NSUN6: variants seen among roughly 807,000 people sequenced by gnomAD.
NSUN6 encodes NOP2/Sun RNA methyltransferase 6, also known as tRNA (cytosine(72)-C(5))-methyltransferase NSUN6.
In NSUN6, 64 loss-of-function variants were observed where a neutral mutation model predicts 58.0. The ratio of observed to expected loss-of-function variants is 1.10; its 90% confidence interval spans 0.90 to 1.36. The LOEUF (loss-of-function observed/expected upper bound fraction) is 1.36, where lower values mean the gene tolerates loss of function less well. Among genes scored for constraint, NSUN6 ranks in the 40% most tolerant of loss-of-function variants. NSUN6 has a pLI of 0.00. For missense variants in NSUN6, 701 were observed against 550.1 expected, an observed-to-expected ratio of 1.27 and a Z score of -2.74; for synonymous variants, 231 against 193.9, an observed-to-expected ratio of 1.19 and a Z score of -1.59.
intron 8 of NSUN6, among the ~76,000 whole-genome samples, chr10:18,559,482 AGAATG>A (rs558249352): frequency 2.6e-4 from 39 of 149,980 alleles, no homozygotes; most frequent in East Asian, 3.9e-4. Context: ...AATCGAATGG[AGAATG>A]GAATGGAATG....
chr10:18,612,122 T>C (rs1239725852), intron 5 of NSUN6, among the ~76,000 whole-genome samples: 1 of 152,058 alleles, frequency 6.6e-6, no homozygotes, highest in Non-Finnish European at 1.5e-5. Flanking sequence ...CTGACTCACA[T>C]TTGAAAGCCA....
intron 8 of NSUN6, among the ~76,000 whole-genome samples, chr10:18,566,158 C>CATTCT (rs1554853949): frequency 5.5e-5 from 8 of 146,738 alleles, no homozygotes; most frequent in African/African-American, 1.7e-4. Context: ...TTCTCCATTC[C>CATTCT]ATTCCATTCT....
intron 3 of NSUN6, among the ~76,000 whole-genome samples, chr10:18,624,262 G>A (rs568244188): frequency 6.6e-6 from 1 of 151,998 alleles, no homozygotes; most frequent in East Asian, 2.0e-4. Flanking sequence ...TGACTAGATA[G>A]TATTTTCAAT....
At chr10:18,624,059 T>C (rs771462755) in intron 3 of NSUN6, among the ~76,000 whole-genome samples, 6 of 152,006 alleles carry the variant, frequency 3.9e-5, no homozygotes, top group Admixed American at 1.3e-4. Context: ...AAGCAGAAGG[T>C]AGATTTTAAA....
In NSUN6 at chr10:18,547,406, T is replaced by A. The variant is rs181658128; in HGVS notation, c.1197+706A>T. On this transcript the variant is annotated intron_variant, in intron 10 of 10. Coordinates refer to ENST00000377304, the MANE Select transcript of NSUN6 (RefSeq NM_182543.5). ...ATGTAATTATCTTAATTTACGAGAC[T>A]AGAAACCATCTCTGAATTGTCTTTA... 7.7e-4 allele frequency among the ~76,000 whole-genome samples: 117 copies of A among 152,332 alleles called. 1 individual carries two copies. The highest frequency in any genetic ancestry group is 2.8e-3 in the African/African-American group (116 of 41,586).
At position 18,555,767 on chromosome 10, in the gene NSUN6, A is replaced by T. The variant is rs114017942; in HGVS notation, c.923-3796T>A. Among the ~76,000 whole-genome samples, 961 of 150,524 alleles carry T rather than the reference A, an allele frequency of 6.4e-3. 16 individuals are homozygous for T. Among genetic ancestry groups the T allele is most frequent in the African/African-American group, 0.023 (931 of 41,088 alleles). ...AATGGAATAGAATGGAGAATGGAAA[A>T]GAGCGGAATGGAATGGAGAATGGAA... On this transcript the variant is annotated intron_variant, in intron 8 of 10. Transcript: ENST00000377304.
At chr10:18,652,406 GTT>G (rs775153901), upstream of NSUN6, 204 of 984,378 alleles carry the variant, frequency 2.1e-4, 2 homozygotes, top group East Asian at 0.012. Flanking sequence ...GTTTTTTATT[GTT>G]TTTTTCTCTT....
intron 8 of NSUN6, among the ~76,000 whole-genome samples, chr10:18,562,690 T>C (rs968559777): frequency 1.4e-5 from 2 of 145,452 alleles, no homozygotes; most frequent in African/African-American, 5.1e-5. Context: ...GAATGCAGAA[T>C]AGAGAACGGA....
chr10:18,588,399 G>C (rs542831203), intron 7 of NSUN6, among the ~76,000 whole-genome samples: 1 of 152,182 alleles, frequency 6.6e-6, no homozygotes, highest in South Asian at 2.1e-4. Context: ...TCCTGACAAG[G>C]GGGATTCTCC....
At position 18,604,036 on chromosome 10, in the gene NSUN6, G is replaced by A. The variant is rs548544988; in HGVS notation, c.657+5809C>T. Among the ~76,000 whole-genome samples the A allele has an allele frequency of 4.8e-3, 724 of 152,192 alleles. 3 individuals are homozygous for A. The highest frequency in any genetic ancestry group is 0.014 in the African/African-American group (600 of 41,546). On this transcript the variant is annotated intron_variant, in intron 6 of 10. Coordinates refer to ENST00000377304, the MANE Select transcript of NSUN6 (RefSeq NM_182543.5). ...GTCTCTGCTAAAAATACAAAAATTAGCTGGGCATAGTGGCGGGGGCCTGCA... is the reference window on the plus strand; with the variant it reads ...GTCTCTGCTAAAAATACAAAAATTAACTGGGCATAGTGGCGGGGGCCTGCA...
intron 7 of NSUN6, among the ~76,000 whole-genome samples, chr10:18,590,747 A>G (rs2057348028): frequency 1.3e-5 from 2 of 152,234 alleles, no homozygotes; most frequent in African/African-American, 4.8e-5. Context: ...TCTGGGACAC[A>G]GTTAATGCAG....
At chr10:18,553,378 T>A (rs936459164) in intron 8 of NSUN6, among the ~76,000 whole-genome samples, 3 of 146,760 alleles carry the variant, frequency 2.0e-5, no homozygotes, top group Non-Finnish European at 4.5e-5. Flanking sequence ...TGGAAGGGAA[T>A]GGGAAGGAGA....
In NSUN6 at chr10:18,556,465, A is replaced by AGAATG. The variant is rs538928214; in HGVS notation, c.923-4499_923-4495dup. Among the ~76,000 whole-genome samples, 815 of 150,776 alleles carry AGAATG rather than the reference A, an allele frequency of 5.4e-3. 22 individuals carry two copies. The highest frequency in any genetic ancestry group is 0.028 in the Admixed American group (418 of 15,014). On this transcript the variant is annotated intron_variant, in intron 8 of 10. Coordinates refer to ENST00000377304, the MANE Select transcript of NSUN6 (RefSeq NM_182543.5). ...TGGAATGCAGAATGGGATGAAATGG[A>AGAATG]GAATGGAATGGAATGGAATGGAGAA...
chr10:18,575,742 T>A (rs2056615716), intron 8 of NSUN6, among the ~76,000 whole-genome samples: 1 of 152,208 alleles, frequency 6.6e-6, no homozygotes, highest in African/African-American at 2.4e-5. Flanking sequence ...AAGATACTGG[T>A]CTTTCTCCTT....
intron 3 of NSUN6, among the ~76,000 whole-genome samples, chr10:18,637,045 C>T (rs185639533): frequency 2.0e-5 from 3 of 150,836 alleles, no homozygotes; most frequent in Admixed American, 2.0e-4. Context: ...TCACTACAAC[C>T]TCCACCTCCT....
Position 18,548,865 on chromosome 10 carries a change from C to G in NSUN6, c.1072-628G>C, listed in dbSNP as rs150563774. ...TCTCAGGTCCCAAACCTCAGATTTT[C>G]CTTTATGCCTCTTTTTCTGACTCCC... On this transcript the variant is annotated intron_variant, in intron 9 of 10. Transcript: ENST00000377304. Among the ~76,000 whole-genome samples the G allele has an allele frequency of 6.4e-3, 970 of 152,288 alleles. 9 individuals are homozygous for G. Among genetic ancestry groups the G allele is most frequent in the African/African-American group, 0.019 (780 of 41,564 alleles).
At chr10:18,638,571 G>C (rs1055927267) in intron 3 of NSUN6, among the ~76,000 whole-genome samples, 1 of 152,152 alleles carries the variant, frequency 6.6e-6, no homozygotes, top group African/African-American at 2.4e-5. Flanking sequence ...ACAAGGTACT[G>C]TTACAAGGAG....
intron 8 of NSUN6, among the ~76,000 whole-genome samples, chr10:18,566,979 T>A (rs144171366): frequency 9.6e-4 from 145 of 151,354 alleles, no homozygotes; most frequent in African/African-American, 3.3e-3. Context: ...CTCCATTCCA[T>A]TCTATTCACC....
At chr10:18,635,398 G>C (rs1428014371) in intron 3 of NSUN6, among the ~76,000 whole-genome samples, 1 of 152,196 alleles carries the variant, frequency 6.6e-6, no homozygotes, top group Non-Finnish European at 1.5e-5. Context: ...GGGAATCTCT[G>C]ATGTAGGTAA....
Sources: allele counts gnomAD v4.1 joint callset (sites outside exome capture counted in the v4.1 genomes callset), GRCh38; gene constraint gnomAD v4.1.1; transcripts MANE v1.5; gene names NCBI Gene and HGNC (gene_info 2026-07-23, HGNC 2026-07-21).